The following DSP variants were observed in gnomAD, a reference collection of about 807,000 sequenced individuals.
DSP encodes desmoplakin, also known as 250/210 kDa paraneoplastic pemphigus antigen.
A neutral mutation model predicts 290.6 loss-of-function variants in DSP; 114 were observed. The observed-to-expected ratio is 0.39, with a 90% CI of 0.34 to 0.46. The LOEUF (loss-of-function observed/expected upper bound fraction) is 0.46. DSP is among the 20% of genes least tolerant of loss of function. The pLI is 0.99. For missense variants in DSP, 3,230 were observed against 3,495.8 expected, an observed-to-expected ratio of 0.92 and a Z score of 1.92; for synonymous variants, 1,311 against 1,316.4, an observed-to-expected ratio of 1.00 and a Z score of 0.09.
At position 7,582,524 on chromosome 6, in the gene DSP, A is replaced by C; in HGVS notation, c.5380-118A>C. ...GTATCCAGGGACAATATAGAAAGAA[A>C]AAATAAGCAAGGCTTTTTTTTTTAA... is the stretch of plus-strand genomic sequence containing the variant. On this transcript the variant is annotated intron_variant, in intron 23 of 23. Coordinates refer to ENST00000379802, the MANE Select transcript of DSP (RefSeq NM_004415.4). This position sits in a 1 kb window ranked among gnomAD's most constrained non-coding sequence, Gnocchi z 4.2. The C allele has an allele frequency of 2.0e-6, 2 of 991,088 alleles. No homozygotes were observed. Among genetic ancestry groups the C allele is most frequent in the South Asian group, 3.2e-5 (2 of 62,792 alleles). The allele number at this position is 991,088 out of a possible 1,614,324, so 61.4% of individuals were successfully genotyped here.
rs1177284407 is a variant in DSP at position 7,579,647 on chromosome 6, C to T, written c.3457C>T (p.Leu1153Phe). Residue 1153 changes from leucine (L) to phenylalanine (F), a missense_variant, in exon 23 of 24, where the codon CTT becomes TTT. Physicochemically the swap from Leu to Phe is conservative, Grantham distance 22. Transcript: ENST00000379802. The surrounding 1 kb of genome is among the most constrained non-coding windows in gnomAD (Gnocchi z 4.1). ...AGCAAGGCAATGTGAAAAGGAGAAC[C>T]TTGGTTGGCAGAAATTAGAGTCTGA... ...QKARQCEKEN[L>F]GWQKLESEKA... is the part of the protein sequence containing the mutation. 6.2e-7 allele frequency: 1 copy of T among 1,613,752 alleles called. No individual in the cohort carries two copies. The highest frequency in any genetic ancestry group is 2.2e-5 in the East Asian group (1 of 44,880).
In DSP at chr6:7,555,780, G is replaced by A; in HGVS notation, c.233G>A (p.Cys78Tyr). The A allele has an allele frequency of 6.2e-7, 1 of 1,614,252 alleles. No individual in the cohort carries two copies. ...ACCATCCAGGAGCTGCTGCAGAACT[G>A]CTCCGACTGCTTGATGCGAGCAGAG... ...QNTIQELLQNCSDCLMRAELI... is the reference protein window; with the variant it reads ...QNTIQELLQNYSDCLMRAELI... The change falls in exon 2 of 24, where the codon TGC becomes TAC. Residue 78 changes from cysteine (C) to tyrosine (Y), a missense_variant. Coordinates refer to ENST00000379802, the MANE Select transcript of DSP (RefSeq NM_004415.4).
intron 1 of DSP, among the ~76,000 whole-genome samples, chr6:7,554,580 A>G (rs1428292624): frequency 6.6e-6 from 1 of 152,180 alleles, no homozygotes; most frequent in African/African-American, 2.4e-5. Flanking sequence ...TAAATTTTCC[A>G]TCACTTTCTT....
intron 18 of DSP, among the ~76,000 whole-genome samples, chr6:7,575,882 C>T (rs1354570460): frequency 1.3e-5 from 2 of 152,186 alleles, no homozygotes; most frequent in Non-Finnish European, 2.9e-5. Context: ...TTTAAAAAAT[C>T]TCTGGAATAT....
At chr6:7,573,849 T>C (rs948209289) in intron 15 of DSP, among the ~76,000 whole-genome samples, 1 of 152,188 alleles carries the variant, frequency 6.6e-6, no homozygotes, top group African/African-American at 2.4e-5. Flanking sequence ...AGCGCAAGAC[T>C]ACAGGTAGTA....
rs745523152 is a variant in DSP at position 7,585,164 on chromosome 6, A to G, written c.7902A>G (p.Thr2634=). ...AAAACCTGGAGAAAATCTCCATTAC[A>G]GAAGGTATAGAGCGGGGCATCGTTG... ...DTENLEKISI[T]EGIERGIVDS... Residue 2634 remains threonine (T), a synonymous_variant, in exon 24 of 24, where the codon ACA becomes ACG. Coordinates refer to ENST00000379802, the MANE Select transcript of DSP (RefSeq NM_004415.4). The G allele has an allele frequency of 6.2e-7, 1 of 1,614,150 alleles. No individual in the cohort carries two copies. Among genetic ancestry groups the G allele is most frequent in the South Asian group, 1.1e-5 (1 of 91,084 alleles).
intron 15 of DSP, among the ~76,000 whole-genome samples, chr6:7,573,557 G>A (rs554139508): frequency 2.7e-5 from 4 of 150,014 alleles, no homozygotes; most frequent in Admixed American, 6.6e-5. Flanking sequence ...CAGCCTGGGC[G>A]ACAGAGCGAG....
At chr6:7,545,122 A>G (rs766313004) in intron 1 of DSP, among the ~76,000 whole-genome samples, 3 of 152,242 alleles carry the variant, frequency 2.0e-5, no homozygotes, top group Non-Finnish European at 4.4e-5. Context: ...AGCAGAAAAT[A>G]GTCATTAAGT....
intron 10 of DSP, 101 bp downstream of exon 10, chr6:7,568,007 C>A: frequency 1.3e-6 from 2 of 1,525,192 alleles, no homozygotes; most frequent in Non-Finnish European, 8.9e-7. Context: ...TTGTACAATG[C>A]ACGCCCAGAG....
At chr6:7,548,127 C>T (rs979652583) in intron 1 of DSP, among the ~76,000 whole-genome samples, 2 of 151,944 alleles carry the variant, frequency 1.3e-5, no homozygotes, top group Non-Finnish European at 2.9e-5. Flanking sequence ...ATTAGCTGGG[C>T]GTGGTGGCGG....
chr6:7,565,923 C>A lies in DSP; in HGVS notation c.939+403C>A. The A allele has an allele frequency of 3.0e-6, 1 of 334,144 alleles. No individual in the cohort carries two copies. Among genetic ancestry groups the A allele is most frequent in the Non-Finnish European group, 5.7e-6 (1 of 175,728 alleles). The allele number at this position is 334,144 out of a possible 1,614,324, so 20.7% of individuals were successfully genotyped here. On this transcript the variant is annotated intron_variant, in intron 7 of 23. Transcript: ENST00000379802. The surrounding 1 kb of genome is among the most constrained non-coding windows in gnomAD (Gnocchi z 4.2). Reference sequence around the variant, plus strand: ...ATGAAATAACCTGTACAACAAATCCCTGTGATACAAGTTTACCTGTGTAAC... The same window carrying A: ...ATGAAATAACCTGTACAACAAATCCATGTGATACAAGTTTACCTGTGTAAC...
Position 7,565,361 on chromosome 6 carries a change from A to G in DSP, c.780A>G (p.Lys260=), listed in dbSNP as rs1554106489. The G allele has an allele frequency of 6.2e-7, 1 of 1,614,066 alleles. No individual in the cohort carries two copies. Among genetic ancestry groups the G allele is most frequent in the Non-Finnish European group, 8.5e-7 (1 of 1,180,002 alleles). Residue 260 remains lysine (K), a splice_region_variant and synonymous_variant, in exon 7 of 24, where the codon AAA becomes AAG. Coordinates refer to ENST00000379802, the MANE Select transcript of DSP (RefSeq NM_004415.4). This position sits in a 1 kb window ranked among gnomAD's most constrained non-coding sequence, Gnocchi z 4.2. Reference sequence around the variant, plus strand: ...CTGCCTTTGAACCTCCTGTGCAGAAAGCGTCCTTTGAGAGGATGGATCACC... The same window carrying G: ...CTGCCTTTGAACCTCCTGTGCAGAAGGCGTCCTTTGAGAGGATGGATCACC... The part of the protein sequence containing the change: ...QLEEEYENLL[K]ASFERMDHLR...
chr6:7,560,826 A>G (rs1758661954), intron 4 of DSP, among the ~76,000 whole-genome samples: 2 of 152,214 alleles, frequency 1.3e-5, no homozygotes, highest in Admixed American at 1.3e-4. Context: ...GACAGTTATA[A>G]AAAAAGACAG....
chr6:7,577,867 C>T lies in DSP; in HGVS notation c.2966C>T (p.Ser989Phe), dbSNP rs746346559. 2.5e-5 allele frequency: 40 copies of T among 1,613,922 alleles called. No homozygotes were observed. Among genetic ancestry groups the T allele is most frequent in the Non-Finnish European group, 3.3e-5 (39 of 1,179,950 alleles). The change falls in exon 21 of 24, where the codon TCT becomes TTT. Residue 989 changes from serine (S) to phenylalanine (F), a missense_variant. Physicochemically the swap from Ser to Phe is radical, Grantham distance 155. This residue lies in a region of DSP where 1,714 missense variants were observed against 1,844.5 expected (regional missense o/e 0.93). Coordinates refer to ENST00000379802, the MANE Select transcript of DSP (RefSeq NM_004415.4). ...PIKRTMIQSP[S>F]GVILQEAADV... Reference sequence around the variant, plus strand: ...AAGAGGACCATGATTCAGTCCCCTTCTGGGGTGATTCTGCAAGAGGTATAT... The same window carrying T: ...AAGAGGACCATGATTCAGTCCCCTTTTGGGGTGATTCTGCAAGAGGTATAT...
intron 1 of DSP, among the ~76,000 whole-genome samples, chr6:7,550,211 C>T (rs1424552466): frequency 1.3e-5 from 2 of 150,920 alleles, no homozygotes; most frequent in African/African-American, 4.9e-5. Flanking sequence ...TCATGCCCAG[C>T]TGTTTTGTTT....
At chr6:7,547,592 C>T (rs952043690) in intron 1 of DSP, among the ~76,000 whole-genome samples, 3 of 144,844 alleles carry the variant, frequency 2.1e-5, no homozygotes, top group Non-Finnish European at 4.5e-5. Flanking sequence ...CCATACACAA[C>T]TAATTAAAAT....
At position 7,583,530 on chromosome 6, in the gene DSP, GA is replaced by G. The variant is rs794728146; in HGVS notation, c.6273del (p.Ala2092LeufsTer24). On this transcript the variant is annotated frameshift_variant, in exon 24 of 24. Transcript: ENST00000379802. LOFTEE classifies it high-confidence loss of function. The surrounding 1 kb of genome is among the most constrained non-coding windows in gnomAD (Gnocchi z 4.0). ...TGACCGTCAGCAGATATATGCAGCAGAAAAAGCTATCACTGGTTTTGATGAT... is the reference window on the plus strand; with the variant it reads ...TGACCGTCAGCAGATATATGCAGCAGAAAAGCTATCACTGGTTTTGATGAT... ...FDDRQQIYAAEKAITGFDDPF... is the reference protein window; with the variant it reads ...FDDRQQIYAAXKAITGFDDPF... 2.5e-6 allele frequency: 4 copies of G among 1,614,182 alleles called. No individual in the cohort carries two copies. Among genetic ancestry groups the G allele is most frequent in the African/African-American group, 1.3e-5 (1 of 75,038 alleles).
At position 7,583,655 on chromosome 6, in the gene DSP, AG is replaced by A. The variant is rs794728147; in HGVS notation, c.6398del (p.Gly2133ValfsTer2). The A allele has an allele frequency of 6.2e-7, 1 of 1,613,974 alleles. No individual in the cohort carries two copies. The highest frequency in any genetic ancestry group is 1.7e-5 in the Admixed American group (1 of 59,998). ...MRLLEAQIASGGVVDPVNSVF... is the reference protein window; with the variant it reads ...MRLLEAQIASXGVVDPVNSVF... ...GCCTGCTGGAAGCCCAGATTGCTTC[AG>A]GGGGTGTAGTAGACCCTGTGAACAG... On this transcript the variant is annotated frameshift_variant, in exon 24 of 24. Transcript: ENST00000379802. LOFTEE classifies it high-confidence loss of function. The surrounding 1 kb of genome is among the most constrained non-coding windows in gnomAD (Gnocchi z 4.0).
intron 2 of DSP, 51 bp from the exon 3 acceptor site, chr6:7,558,065 G>A (rs368440096): frequency 7.5e-6 from 12 of 1,610,540 alleles, no homozygotes; most frequent in African/African-American, 1.3e-5. Context: ...GCCCATGAAG[G>A]TTTTCTTCCT....
Sources: allele counts gnomAD v4.1 joint callset (sites outside exome capture counted in the v4.1 genomes callset), GRCh38; gene constraint gnomAD v4.1.1; regional missense constraint gnomAD v4.1.1; non-coding constraint Gnocchi (gnomAD v3.1); transcripts MANE v1.5; gene names NCBI Gene and HGNC (gene_info 2026-07-23, HGNC 2026-07-21).